SH3GL3: variants seen among roughly 807,000 people sequenced by gnomAD.
SH3GL3 encodes the protein SH3 domain containing GRB2 like 3, endophilin A3, also known as endophilin-A3.
A neutral mutation model predicts 47.7 loss-of-function variants in SH3GL3; 33 were observed. The observed-to-expected ratio is 0.69, with a 90% confidence interval of 0.52 to 0.92. SH3GL3 has a LOEUF of 0.92. SH3GL3 is among the 40% of genes least tolerant of loss of function. The probability of loss-of-function intolerance (pLI) is 0.00; values close to 1 mark genes in which losing one functional copy is unlikely to be tolerated. For missense variants in SH3GL3, 363 were observed against 417.8 expected, an observed-to-expected ratio of 0.87 and a Z score of 1.14; for synonymous variants, 155 against 148.8, an observed-to-expected ratio of 1.04 and a Z score of -0.30.
intron 1 of SH3GL3, 41 bp from the exon 2 acceptor site, chr15:83,559,212 A>T: frequency 8.9e-7 from 1 of 1,127,756 alleles, no homozygotes; most frequent in Non-Finnish European, 1.3e-6. Context: ...CTGTGACAAG[A>T]AATCATTGTA....
intron 1 of SH3GL3, among the ~76,000 whole-genome samples, chr15:83,548,576 G>T (rs1283770781): frequency 6.6e-6 from 1 of 151,934 alleles, no homozygotes; most frequent in African/African-American, 2.4e-5. Context: ...ACAGGGAATA[G>T]AATCTAAGAT....
chr15:83,536,405 C>CTTTTTTTTTTTTTTTTTTTTT (rs386383625), intron 1 of SH3GL3, among the ~76,000 whole-genome samples: 1 of 113,682 alleles, frequency 8.8e-6, no homozygotes, highest in Non-Finnish European at 2.1e-5. Context: ...CTTTTCTTTT[C>CTTTTTTTTTTTTTTTTTTTTT]TTTTTTTTTT....
At chr15:83,483,757 G>T (rs375484992) in intron 1 of SH3GL3, among the ~76,000 whole-genome samples, 4 of 152,208 alleles carry the variant, frequency 2.6e-5, no homozygotes, top group African/African-American at 9.7e-5. Context: ...GCATCTGTAG[G>T]ATTCCCATCC....
chr15:83,627,644 A>T, the SH3GL3 span, among the ~76,000 whole-genome samples: 1 of 152,142 alleles, frequency 6.6e-6, no homozygotes, highest in Non-Finnish European at 1.5e-5. Context: ...ATTTTGATTG[A>T]ATTTACTGGG....
chr15:83,599,761 A>C (rs898151226), intron 8 of SH3GL3, among the ~76,000 whole-genome samples: 10 of 152,138 alleles, frequency 6.6e-5, no homozygotes, highest in African/African-American at 1.9e-4. Flanking sequence ...TCTTTAAGGA[A>C]TCTCCACACA....
At chr15:83,503,469 C>T (rs966986786) in intron 1 of SH3GL3, among the ~76,000 whole-genome samples, 1 of 152,124 alleles carries the variant, frequency 6.6e-6, no homozygotes, top group Admixed American at 6.5e-5. Context: ...TACCAGTTTT[C>T]ACTAATAACA....
rs78393700 is a variant in SH3GL3, at chr15:83,573,381, A to G, written c.465+683A>G. 2.5e-4 allele frequency among the ~76,000 whole-genome samples: 38 copies of G among 152,256 alleles called. 1 individual carries two copies. The East Asian group carries it at 2.7e-3, about 11-fold the overall frequency. ...ATCCTGTTTTCCCTTCTTCAGACCTATTGATTCTCAAAGTGTGGTCCCTGG... is the reference window on the plus strand; with the variant it reads ...ATCCTGTTTTCCCTTCTTCAGACCTGTTGATTCTCAAAGTGTGGTCCCTGG... On this transcript the variant is annotated intron_variant, in intron 5 of 8. Coordinates refer to ENST00000427482, the MANE Select transcript of SH3GL3 (RefSeq NM_003027.5).
chr15:83,576,679 G>A lies in SH3GL3; in HGVS notation c.562G>A (p.Glu188Lys), dbSNP rs756241846. 1 of 1,613,848 alleles carries A rather than the reference G, an allele frequency of 6.2e-7. No individual in the cohort carries two copies. Among genetic ancestry groups the A allele is most frequent in the Admixed American group, 1.7e-5 (1 of 60,000 alleles). ...IPDEEVRQAV[E>K]KFEESKELAE... ...AGACGAAGAAGTCAGACAAGCGGTA[G>A]AAAAATTTGAAGAGTCAAAGGAGTT... Residue 188 changes from glutamate (E) to lysine (K), a missense_variant, in exon 6 of 9, where the codon GAA (glutamate) becomes AAA (lysine). Coordinates refer to ENST00000427482, the MANE Select transcript of SH3GL3 (RefSeq NM_003027.5).
At chr15:83,582,068 GCAGACTGGTTAC>G (rs1481758275) in intron 6 of SH3GL3, among the ~76,000 whole-genome samples, 1 of 152,220 alleles carries the variant, frequency 6.6e-6, no homozygotes, top group Non-Finnish European at 1.5e-5. Context: ...GGGAAAGTCA[GCAGACTGGTTAC>G]CAGCCTTCAT....
intron 1 of SH3GL3, among the ~76,000 whole-genome samples, chr15:83,487,848 C>A (rs1427848676): frequency 2.0e-5 from 3 of 150,408 alleles, no homozygotes; most frequent in Admixed American, 6.6e-5. Flanking sequence ...TTTTTTCTTT[C>A]TTTTTTTAAT....
chr15:83,555,650 CAT>C (rs2044912664), intron 1 of SH3GL3, among the ~76,000 whole-genome samples: 1 of 152,152 alleles, frequency 6.6e-6, no homozygotes, highest in Admixed American at 6.5e-5. Flanking sequence ...CAGATTGCCA[CAT>C]GTGGTAGCAT....
chr15:83,538,626 G>A (rs1379853855), intron 1 of SH3GL3, among the ~76,000 whole-genome samples: 3 of 152,104 alleles, frequency 2.0e-5, no homozygotes, highest in African/African-American at 7.2e-5. Context: ...TATGTAATTA[G>A]ACATAAATAT....
rs2039580506 is a variant in SH3GL3 at position 83,448,709 on chromosome 15, A to G, written c.45+1131A>G. ...TCCTGCTTCTCCCACAAATTGGCCC[A>G]TAGAAAGCAACTGCAATTAGAAGAT... On this transcript the variant is annotated intron_variant, in intron 1 of 8. Coordinates refer to ENST00000427482, the MANE Select transcript of SH3GL3 (RefSeq NM_003027.5). This position sits in a 1 kb window ranked among gnomAD's most constrained non-coding sequence, Gnocchi z 4.2. Among the ~76,000 whole-genome samples, 1 of 152,154 alleles carries G rather than the reference A, an allele frequency of 6.6e-6. No homozygotes were observed. Among genetic ancestry groups the G allele is most frequent in the South Asian group, 2.1e-4 (1 of 4,824 alleles).
Position 83,572,632 on chromosome 15 carries a change from T to C in SH3GL3, c.399T>C (p.Ile133=). Residue 133 remains isoleucine (I), a synonymous_variant, in exon 5 of 9, where the codon ATT becomes ATC. Coordinates refer to ENST00000427482, the MANE Select transcript of SH3GL3 (RefSeq NM_003027.5). ...CTGAGGTGAAAGACTCTCTTGATAT[T>C]AATGTAAAGCAAACTTTTATTGATC... ...LMAEVKDSLD[I]NVKQTFIDPL... is the part of the protein sequence containing the mutation. 3 of 1,610,538 alleles carry C rather than the reference T, an allele frequency of 1.9e-6. No individual in the cohort carries two copies. The highest frequency in any genetic ancestry group is 2.5e-6 in the Non-Finnish European group (3 of 1,176,692).
rs78403239 is a variant in SH3GL3 at position 83,488,636 on chromosome 15, G to A, written c.45+41058G>A. 1.7e-3 allele frequency among the ~76,000 whole-genome samples: 266 copies of A among 152,290 alleles called. 1 individual carries two copies. Among genetic ancestry groups the A allele is most frequent in the African/African-American group, 6.2e-3 (259 of 41,570 alleles). ...GGTTAGAGCTGGTGATTTGACAGCCGCCTGCTGGAAAATTGTATGATAAGT... is the reference window on the plus strand; with the variant it reads ...GGTTAGAGCTGGTGATTTGACAGCCACCTGCTGGAAAATTGTATGATAAGT... On this transcript the variant is annotated intron_variant, in intron 1 of 8. Coordinates refer to ENST00000427482, the MANE Select transcript of SH3GL3 (RefSeq NM_003027.5).
chr15:83,625,158 C>G, the SH3GL3 span, among the ~76,000 whole-genome samples: 4 of 152,296 alleles, frequency 2.6e-5, no homozygotes, highest in African/African-American at 9.6e-5. Context: ...ACTTGGGAGG[C>G]TGAGGCAGCA....
At chr15:83,474,732 A>G (rs2041015209) in intron 1 of SH3GL3, among the ~76,000 whole-genome samples, 1 of 152,154 alleles carries the variant, frequency 6.6e-6, no homozygotes, top group Non-Finnish European at 1.5e-5. Context: ...CAGATTGGGT[A>G]GTAATGAACT....
At chr15:83,556,175 C>T (rs1471168299) in intron 1 of SH3GL3, among the ~76,000 whole-genome samples, 2 of 79,892 alleles carry the variant, frequency 2.5e-5, no homozygotes, top group East Asian at 2.2e-4. Flanking sequence ...GTAGGAATCA[C>T]GTCTATCTTT....
chr15:83,456,530 G>A (rs545667193), intron 1 of SH3GL3, among the ~76,000 whole-genome samples: 58 of 77,832 alleles, frequency 7.5e-4, no homozygotes, highest in Admixed American at 1.8e-3. Context: ...TTCTTAAGCC[G>A]GTCTGAAAAG....
Sources: gnomAD v4.1 joint callset for allele counts (sites outside exome capture counted in the v4.1 genomes callset) on GRCh38, gnomAD v4.1.1 for gene constraint, Gnocchi (gnomAD v3.1) non-coding constraint, MANE v1.5 for transcripts, NCBI Gene and HGNC (gene_info 2026-07-23, HGNC 2026-07-21) for gene names.